The following TMEM232 variants were observed in gnomAD, a reference collection of about 807,000 sequenced individuals.
The protein encoded by TMEM232 is transmembrane protein 232.
A neutral mutation model predicts 78.8 loss-of-function variants in TMEM232; 80 were observed. The observed-to-expected ratio is 1.01, with a 90% CI of 0.85 to 1.22. The LOEUF is 1.22. Ranked by LOEUF, TMEM232 falls within the 50% of genes most tolerant of loss-of-function variation. The pLI is 0.00. For missense variants in TMEM232, 881 were observed against 742.2 expected (o/e 1.19, Z -2.17); for synonymous variants, 297 against 254.3 (o/e 1.17, Z -1.60).
chr5:110,445,504 T>C (rs964086143), intron 12 of TMEM232, among the ~76,000 whole-genome samples: 23 of 152,296 alleles, frequency 1.5e-4, no homozygotes, highest in African/African-American at 5.5e-4. Context: ...CTGGGGCATG[T>C]TGAATAATGG....
At position 110,422,388 on chromosome 5, in the gene TMEM232, C is replaced by T. The variant is rs560756567; in HGVS notation, c.1798-1632G>A. On this transcript the variant is annotated intron_variant, in intron 13 of 13. Transcript: ENST00000455884. ...AAAAAAAATTAGCCGGGCGTGGTGG[C>T]GGGTGCCTGTAGGCCCAGCTACTCG... is the stretch of plus-strand genomic sequence containing the variant. Among the ~76,000 whole-genome samples, 6 of 151,452 alleles carry T rather than the reference C, an allele frequency of 4.0e-5. No individual in the cohort carries two copies. The South Asian group carries it at 8.4e-4, about 21-fold the overall frequency.
At chr5:110,637,729 C>A (rs1786066436) in intron 5 of TMEM232, among the ~76,000 whole-genome samples, 1 of 151,906 alleles carries the variant, frequency 6.6e-6, no homozygotes, top group Non-Finnish European at 1.5e-5. Flanking sequence ...ACAATATGAT[C>A]TCAAGGACAT....
At chr5:110,631,630 C>A (rs908191019) in intron 5 of TMEM232, among the ~76,000 whole-genome samples, 1 of 152,200 alleles carries the variant, frequency 6.6e-6, no homozygotes, top group African/African-American at 2.4e-5. Context: ...CTCCCACTGG[C>A]AGAATGACTA....
At chr5:110,465,682 G>T (rs1761997628) in intron 12 of TMEM232, among the ~76,000 whole-genome samples, 1 of 152,138 alleles carries the variant, frequency 6.6e-6, no homozygotes, top group African/African-American at 2.4e-5. Context: ...TGTGTCCAAT[G>T]ATATATCCTC....
chr5:110,413,820 G>T (rs1756086902), intron 2 of TMEM232, among the ~76,000 whole-genome samples: 1 of 152,128 alleles, frequency 6.6e-6, no homozygotes, highest in South Asian at 2.1e-4. Context: ...ATTTTGAACA[G>T]AAATTATTGT....
chr5:110,474,757 C>A (rs1396426781), intron 12 of TMEM232, among the ~76,000 whole-genome samples: 1 of 151,318 alleles, frequency 6.6e-6, no homozygotes, highest in Non-Finnish European at 1.5e-5. Context: ...TTTGTATTAG[C>A]AAGAAATAGC....
At chr5:110,426,965 A>C (rs1757307987) in intron 12 of TMEM232, among the ~76,000 whole-genome samples, 1 of 152,056 alleles carries the variant, frequency 6.6e-6, no homozygotes, top group South Asian at 2.1e-4. Context: ...TAAAAAATGT[A>C]GGCAACATAA....
rs1407095406 is a variant in TMEM232, at chr5:110,420,748, T to C, written c.1806A>G (p.Glu602=). The change falls in exon 14 of 14, where the codon GAA becomes GAG. Residue 602 remains glutamate (E), a synonymous_variant. Transcript: ENST00000455884. ...LAKIIDHHWQ[E]ELKIREKEDA... ...CTTCTTTTTCTCGGATCTTTAGCTCTTCCTGCCACTGTTACAGAGAGAAAA... is the reference window on the plus strand; with the variant it reads ...CTTCTTTTTCTCGGATCTTTAGCTCCTCCTGCCACTGTTACAGAGAGAAAA... The C allele has an allele frequency of 2.6e-6, 4 of 1,521,460 alleles. No homozygotes were observed. The highest frequency in any genetic ancestry group is 2.5e-5 in the South Asian group (2 of 80,192). 94.2% of individuals were successfully genotyped at this position (1,521,460 alleles called of 1,614,324 possible).
intron 5 of TMEM232, among the ~76,000 whole-genome samples, chr5:110,637,495 T>C (rs1162879658): frequency 6.6e-6 from 1 of 151,928 alleles, no homozygotes; most frequent in East Asian, 1.9e-4. Flanking sequence ...TAACAGTTTA[T>C]AATCAAAATT....
intron 2 of TMEM232, among the ~76,000 whole-genome samples, chr5:110,398,815 GT>G (rs1215381841): frequency 3.3e-5 from 5 of 152,010 alleles, no homozygotes; most frequent in African/African-American, 9.7e-5. Context: ...TAGTGGTGTT[GT>G]TTGATAATAT....
intron 11 of TMEM232, among the ~76,000 whole-genome samples, chr5:110,549,968 C>T (rs1305854010): frequency 6.6e-6 from 1 of 152,084 alleles, no homozygotes; most frequent in Non-Finnish European, 1.5e-5. Context: ...TCCCAATTCA[C>T]TTCATTAGCC....
At chr5:110,416,549 C>G (rs1756221210), downstream of TMEM232, among the ~76,000 whole-genome samples, 1 of 152,122 alleles carries the variant, frequency 6.6e-6, no homozygotes, top group Non-Finnish European at 1.5e-5. Context: ...TTGAAAGCAA[C>G]CCCAAAGCAA....
intron 12 of TMEM232, among the ~76,000 whole-genome samples, chr5:110,430,483 A>T (rs1160323573): frequency 6.6e-6 from 1 of 151,714 alleles, no homozygotes; most frequent in Admixed American, 6.6e-5. Context: ...AAGTTAAAAT[A>T]TATGCAGTTT....
At chr5:110,639,548 T>A (rs1039291018) in intron 4 of TMEM232, among the ~76,000 whole-genome samples, 3 of 152,098 alleles carry the variant, frequency 2.0e-5, no homozygotes, top group African/African-American at 7.2e-5. Flanking sequence ...AGCTCAGGCA[T>A]CATGTTCTTA....
chr5:110,524,381 AAG>A (rs759747153), intron 12 of TMEM232, among the ~76,000 whole-genome samples: 26 of 71,148 alleles, frequency 3.7e-4, no homozygotes, highest in Non-Finnish European at 5.7e-4. Flanking sequence ...GAAAGAAAGA[AAG>A]AAAGAAAGAA....
chr5:110,684,346 G>A (rs979314360), intron 1 of TMEM232, among the ~76,000 whole-genome samples: 2 of 152,034 alleles, frequency 1.3e-5, no homozygotes, highest in African/African-American at 4.8e-5. Flanking sequence ...ATCCAATTAA[G>A]AAGAGATTTC....
In TMEM232 at chr5:110,473,647, T is replaced by A. The variant is rs537396693; in HGVS notation, c.1704-48731A>T. Among the ~76,000 whole-genome samples, 5 of 151,296 alleles carry A rather than the reference T, an allele frequency of 3.3e-5. No homozygotes were observed. In the East Asian group the frequency reaches 9.7e-4, roughly 29 times the overall value. ...TAGCAATCTCACTACTGGGTATATA[T>A]TCAAAGGAAATCATTATGTCAAATA... On this transcript the variant is annotated intron_variant, in intron 12 of 13. Coordinates refer to ENST00000455884, the MANE Select transcript of TMEM232 (RefSeq NM_001039763.4).
intron 12 of TMEM232, among the ~76,000 whole-genome samples, chr5:110,459,089 G>A (rs1448586929): frequency 6.6e-6 from 1 of 152,124 alleles, no homozygotes; most frequent in African/African-American, 2.4e-5. Flanking sequence ...ACTGAGCTAT[G>A]CACATTTCTT....
intron 2 of TMEM232, among the ~76,000 whole-genome samples, chr5:110,666,471 C>T (rs1168121275): frequency 2.0e-5 from 3 of 151,950 alleles, no homozygotes; most frequent in Admixed American, 6.6e-5. Context: ...ATTATTTTTC[C>T]TCTGTTTACC....
Sources: gnomAD v4.1 joint callset for allele counts (sites outside exome capture counted in the v4.1 genomes callset) on GRCh38, gnomAD v4.1.1 for gene constraint, MANE v1.5 for transcripts, NCBI Gene and HGNC (gene_info 2026-07-23, HGNC 2026-07-21) for gene names.